GLS: variants seen among roughly 807,000 people sequenced by gnomAD.
GLS encodes the protein glutaminase kidney isoform, mitochondrial.
A neutral mutation model predicts 86.7 loss-of-function variants in GLS; 36 were observed. The ratio of observed to expected loss-of-function variants is 0.42; its 90% confidence interval spans 0.32 to 0.55. The LOEUF (loss-of-function observed/expected upper bound fraction) is 0.55. GLS is among the 20% of genes least tolerant of loss of function. The pLI is 0.17. For synonymous variants in GLS, 317 were observed against 305.9 expected (o/e 1.04, Z -0.38); for missense variants, 528 against 833.4 (o/e 0.63, Z 4.51).
At chr2:190,912,589 A>G (rs6743496) in intron 7 of GLS, among the ~76,000 whole-genome samples, 70,759 of 151,824 alleles carry the variant, frequency 0.47, 19,284 homozygotes, top group Non-Finnish European at 0.62. Context: ...GGCCTTAAAA[A>G]TTGTCAAACC....
rs780059860 is a variant in GLS, at chr2:190,935,456, CA to C, written c.1650+3823del. On this transcript the variant is annotated intron_variant, in intron 14 of 17. Coordinates refer to ENST00000320717, the MANE Select transcript of GLS (RefSeq NM_014905.5). This position sits in a 1 kb window ranked among gnomAD's most constrained non-coding sequence, Gnocchi z 4.2. ...TGCCTCAAAGTAAACTAGAAATATTCAAAAGGGCTTTATTTGATTTTTTAAA... is the reference window on the plus strand; with the variant it reads ...TGCCTCAAAGTAAACTAGAAATATTCAAAGGGCTTTATTTGATTTTTTAAA... Among the ~76,000 whole-genome samples the C allele has an allele frequency of 6.3e-4, 95 of 151,294 alleles. No homozygotes were observed. Among genetic ancestry groups the C allele is most frequent in the Admixed American group, 3.6e-3 (54 of 15,174 alleles).
Position 190,895,630 on chromosome 2 carries a change from G to C in GLS, c.510G>C (p.Thr170=), listed in dbSNP as rs567653161. 3 of 1,604,276 alleles carry C rather than the reference G, an allele frequency of 1.9e-6. No homozygotes were observed. The South Asian group carries it at 3.3e-5, about 18-fold the overall frequency. The change falls in exon 3 of 18, where the codon ACG becomes ACC. Residue 170 remains threonine (T), a synonymous_variant. Coordinates refer to ENST00000320717, the MANE Select transcript of GLS (RefSeq NM_014905.5). This position sits in a 1 kb window ranked among gnomAD's most constrained non-coding sequence, Gnocchi z 4.2. ...CACTCAAATCTACAGGATTGCGAAC[G>C]TCTGATCCCAGGTTGAAAGAGTGTA... The part of the protein sequence containing the change: ...ITALKSTGLR[T]SDPRLKECMD...
At chr2:190,934,949 T>C (rs1690227732) in intron 14 of GLS, 2 of 969,426 alleles carry the variant, frequency 2.1e-6, no homozygotes, top group Middle Eastern at 5.3e-4. Flanking sequence ...TTTGATTCTT[T>C]CAGTATTCTT....
chr2:190,901,916 T>C, intron 4 of GLS, 31 bp from the exon 5 acceptor site: 1 of 1,248,026 alleles, frequency 8.0e-7, no homozygotes, highest in Non-Finnish European at 1.2e-6. Flanking sequence ...CAATATTATA[T>C]CTATTCATTT....
At chr2:190,899,922 C>T (rs926397278) in intron 3 of GLS, among the ~76,000 whole-genome samples, 1 of 151,930 alleles carries the variant, frequency 6.6e-6, no homozygotes, top group Non-Finnish European at 1.5e-5. Context: ...CATTAAATAG[C>T]ATATTGTAAT....
In GLS at chr2:190,964,959, G is replaced by A. The variant is rs1392985321; in HGVS notation, c.*1973G>A. 1.3e-5 allele frequency: 2 copies of A among 152,072 alleles called. No individual in the cohort carries two copies. The highest frequency in any genetic ancestry group is 6.5e-5 in the Admixed American group (1 of 15,268). The allele number at this position is 152,072 out of a possible 1,614,324, so 9.4% of individuals were successfully genotyped here. Reference sequence around the variant, plus strand: ...CAAAGAGAGTTTTCATCTTTTTTCAGATCAAAACCATTCTGTAAAATCTTT... The same window carrying A: ...CAAAGAGAGTTTTCATCTTTTTTCAAATCAAAACCATTCTGTAAAATCTTT... On this transcript the variant is annotated 3_prime_UTR_variant, in exon 18 of 18. Transcript: ENST00000320717. This position sits in a 1 kb window ranked among gnomAD's most constrained non-coding sequence, Gnocchi z 5.2.
chr2:190,884,203 C>T (rs1159853719), intron 1 of GLS, among the ~76,000 whole-genome samples: 1 of 152,134 alleles, frequency 6.6e-6, no homozygotes, highest in East Asian at 1.9e-4. Flanking sequence ...GGCCTTTGTC[C>T]CTTTCCCACT....
At chr2:190,948,560 A>C (rs1690637389) in intron 14 of GLS, among the ~76,000 whole-genome samples, 1 of 152,238 alleles carries the variant, frequency 6.6e-6, no homozygotes, top group Admixed American at 6.5e-5. Context: ...TCTTATATCC[A>C]GTCACTGAAA....
chr2:190,922,919 G>A (rs1483399421), intron 9 of GLS, among the ~76,000 whole-genome samples: 2 of 152,066 alleles, frequency 1.3e-5, no homozygotes, highest in African/African-American at 4.8e-5. Flanking sequence ...CTTTGCTCTA[G>A]AGATAGATCC....
intron 7 of GLS, among the ~76,000 whole-genome samples, chr2:190,917,427 A>AC (rs1163368981): frequency 6.6e-6 from 1 of 152,068 alleles, no homozygotes; most frequent in Non-Finnish European, 1.5e-5. Flanking sequence ...CTCCACTTGG[A>AC]CCCCTCAGTC....
chr2:190,945,867 G>A (rs1690565885), intron 14 of GLS, among the ~76,000 whole-genome samples: 1 of 152,040 alleles, frequency 6.6e-6, no homozygotes, highest in African/African-American at 2.4e-5. Context: ...ATTACTATAT[G>A]AGAACCTCCT....
chr2:190,930,325 T>C lies in GLS; in HGVS notation c.1426-112T>C. 3 of 771,562 alleles carry C rather than the reference T, an allele frequency of 3.9e-6. No individual in the cohort carries two copies. Among genetic ancestry groups the C allele is most frequent in the Non-Finnish European group, 6.5e-6 (3 of 461,820 alleles). The allele number at this position is 771,562 out of a possible 1,614,324, so 47.8% of individuals were successfully genotyped here. A position where few individuals can be genotyped will look rare whatever the true frequency, so the allele number is the denominator to read the frequency against. Reference sequence around the variant, plus strand: ...TGCTTGCCTTGGCCTCCCAAAGTGCTGAGATTACAGGAGTGAGCCATGGTG... The same window carrying C: ...TGCTTGCCTTGGCCTCCCAAAGTGCCGAGATTACAGGAGTGAGCCATGGTG... On this transcript the variant is annotated intron_variant, in intron 12 of 17. Coordinates refer to ENST00000320717, the MANE Select transcript of GLS (RefSeq NM_014905.5). This position sits in a 1 kb window ranked among gnomAD's most constrained non-coding sequence, Gnocchi z 5.0.
chr2:190,922,107 A>C (rs564029252), intron 9 of GLS, among the ~76,000 whole-genome samples: 2 of 152,224 alleles, frequency 1.3e-5, no homozygotes, highest in South Asian at 4.1e-4. Context: ...AAGCTTGTGT[A>C]CCATACGGTC....
chr2:190,948,680 G>A (rs1690639478), intron 14 of GLS, among the ~76,000 whole-genome samples: 1 of 152,140 alleles, frequency 6.6e-6, no homozygotes, highest in African/African-American at 2.4e-5. Context: ...CTTAGTGGTG[G>A]GGGAAGTAAG....
At position 190,895,235 on chromosome 2, in the gene GLS, A is replaced by G; in HGVS notation, c.470A>G (p.His157Arg). ...IAEGQEKIPV[H>R]KFITALKSTG... Reference sequence around the variant, plus strand: ...GAAGGACAAGAGAAAATACCTGTTCATAAATTTATTACAGTAAGTTTTTAT... The same window carrying G: ...GAAGGACAAGAGAAAATACCTGTTCGTAAATTTATTACAGTAAGTTTTTAT... The change falls in exon 2 of 18, where the codon CAT becomes CGT. Residue 157 changes from histidine to arginine, a missense_variant. His to Arg is a conservative substitution (Grantham distance 29). This residue lies in a region of GLS where 111 missense variants were observed against 179.5 expected (regional missense o/e 0.62). Transcript: ENST00000320717. The surrounding 1 kb of genome is among the most constrained non-coding windows in gnomAD (Gnocchi z 4.2). 7.3e-7 allele frequency: 1 copy of G among 1,366,388 alleles called. No homozygotes were observed. Among genetic ancestry groups the G allele is most frequent in the Non-Finnish European group, 1.0e-6 (1 of 960,418 alleles). The allele number at this position is 1,366,388 out of a possible 1,614,324, so 84.6% of individuals were successfully genotyped here. A position where few individuals can be genotyped will look rare whatever the true frequency, so the allele number is the denominator to read the frequency against.
At chr2:190,932,922 T>C in intron 14 of GLS, 1 of 1,374,234 alleles carries the variant, frequency 7.3e-7, no homozygotes, top group African/African-American at 1.5e-5. Context: ...TCTTTAGCTT[T>C]TTTTTGCAAG....
intron 3 of GLS, among the ~76,000 whole-genome samples, chr2:190,899,923 A>G (rs1157738770): frequency 6.6e-6 from 1 of 152,126 alleles, no homozygotes; most frequent in Non-Finnish European, 1.5e-5. Context: ...ATTAAATAGC[A>G]TATTGTAATA....
chr2:190,881,575 A>G, intron 1 of GLS, 105 bp downstream of exon 1: 1 of 1,054,652 alleles, frequency 9.5e-7, no homozygotes, highest in Non-Finnish European at 1.3e-6. Flanking sequence ...GGGTCTAGAA[A>G]AGAGAAAGAA....
intron 7 of GLS, 89 bp downstream of exon 7, chr2:190,910,410 G>T: frequency 1.5e-6 from 1 of 650,698 alleles, no homozygotes; most frequent in Non-Finnish European, 2.7e-6. Context: ...TATTTATGTA[G>T]AATTATGAAA....
Sources: allele counts gnomAD v4.1 joint callset (sites outside exome capture counted in the v4.1 genomes callset), GRCh38; gene constraint gnomAD v4.1.1; regional missense constraint gnomAD v4.1.1; non-coding constraint Gnocchi (gnomAD v3.1); transcripts MANE v1.5; gene names NCBI Gene and HGNC (gene_info 2026-07-23, HGNC 2026-07-21).